The following RNGTT variants were observed in gnomAD, a reference collection of about 807,000 sequenced individuals.
RNGTT encodes mRNA-capping enzyme.
In RNGTT, 33 loss-of-function variants were observed where a neutral mutation model predicts 79.3. That is an observed-to-expected ratio of 0.42 (90% CI 0.32 to 0.56). The LOEUF is 0.56. RNGTT is among the 20% of genes least tolerant of loss of function. RNGTT has a pLI of 0.17. For synonymous variants in RNGTT, 222 were observed against 235.9 expected (o/e 0.94, Z 0.54); for missense variants, 497 against 739.1 (o/e 0.67, Z 3.80).
chr6:88,724,025 G>A (rs150350949), intron 13 of RNGTT, among the ~76,000 whole-genome samples: 26 of 152,224 alleles, frequency 1.7e-4, no homozygotes, highest in Middle Eastern at 6.8e-3. Flanking sequence ...GCGCTCAGCC[G>A]TGTTTGGGTT....
At chr6:88,824,421 T>TTA (rs1490890143) in intron 11 of RNGTT, among the ~76,000 whole-genome samples, 1 of 152,206 alleles carries the variant, frequency 6.6e-6, no homozygotes, top group Non-Finnish European at 1.5e-5. Flanking sequence ...GGGACCACCA[T>TTA]TATATATGCA....
intron 14 of RNGTT, among the ~76,000 whole-genome samples, chr6:88,657,616 G>A (rs1416445764): frequency 6.6e-6 from 1 of 152,166 alleles, no homozygotes; most frequent in African/African-American, 2.4e-5. Context: ...GAAGGGGTGA[G>A]GCCTGAGAGC....
At chr6:88,649,301 G>A (rs1305898732) in intron 14 of RNGTT, among the ~76,000 whole-genome samples, 1 of 152,170 alleles carries the variant, frequency 6.6e-6, no homozygotes, top group Non-Finnish European at 1.5e-5. Context: ...GGTAAAATAA[G>A]GGTATGATGG....
At chr6:88,829,167 C>A (rs1292404842) in intron 11 of RNGTT, among the ~76,000 whole-genome samples, 1 of 152,156 alleles carries the variant, frequency 6.6e-6, no homozygotes, top group African/African-American at 2.4e-5. Flanking sequence ...AAGGGAAGCC[C>A]ATCAGACTAA....
chr6:88,850,969 G>A (rs776221192), intron 9 of RNGTT, among the ~76,000 whole-genome samples: 1 of 151,928 alleles, frequency 6.6e-6, no homozygotes, highest in Non-Finnish European at 1.5e-5. Flanking sequence ...AAACCTGTGG[G>A]CCTTCAAGGC....
intron 1 of RNGTT, among the ~76,000 whole-genome samples, chr6:88,959,676 C>A (rs1785550639): frequency 6.6e-6 from 1 of 152,088 alleles, no homozygotes; most frequent in African/African-American, 2.4e-5. Context: ...CCACTCTTTT[C>A]TCCATCAATT....
At chr6:88,888,637 T>A (rs1782944140) in intron 8 of RNGTT, among the ~76,000 whole-genome samples, 1 of 152,240 alleles carries the variant, frequency 6.6e-6, no homozygotes, top group South Asian at 2.1e-4. Context: ...TTTTTAAGGC[T>A]AGTTCATTAA....
chr6:88,672,696 CCTATT>C (rs1467175667), intron 14 of RNGTT, among the ~76,000 whole-genome samples: 1 of 152,098 alleles, frequency 6.6e-6, no homozygotes, highest in African/African-American at 2.4e-5. Flanking sequence ...TTTCCCAAAA[CCTATT>C]AAAGTAATAA....
chr6:88,664,191 G>C (rs919156108), intron 14 of RNGTT, among the ~76,000 whole-genome samples: 1 of 152,112 alleles, frequency 6.6e-6, no homozygotes, highest in African/African-American at 2.4e-5. Context: ...CTCTTAGAAG[G>C]GTTGAGGAGA....
At chr6:88,894,770 C>T (rs1399100422) in intron 6 of RNGTT, among the ~76,000 whole-genome samples, 1 of 152,158 alleles carries the variant, frequency 6.6e-6, no homozygotes, top group Non-Finnish European at 1.5e-5. Context: ...GGAAAGATCA[C>T]TAATTCTAAA....
At chr6:88,932,981 A>G (rs1440238664) in intron 2 of RNGTT, among the ~76,000 whole-genome samples, 2 of 152,034 alleles carry the variant, frequency 1.3e-5, no homozygotes, top group Non-Finnish European at 2.9e-5. Context: ...CCTGGTATTC[A>G]TCTTTATTTT....
At chr6:88,803,650 C>A (rs1582479834) in intron 11 of RNGTT, among the ~76,000 whole-genome samples, 1 of 135,008 alleles carries the variant, frequency 7.4e-6, no homozygotes, top group Non-Finnish European at 1.6e-5. Context: ...CCAAATACCA[C>A]AATAATCTCT....
chr6:88,796,372 A>C (rs1779603886), intron 12 of RNGTT, among the ~76,000 whole-genome samples: 1 of 152,206 alleles, frequency 6.6e-6, no homozygotes, highest in Non-Finnish European at 1.5e-5. Flanking sequence ...AAACAGGGGT[A>C]GACTGGAAAG....
intron 13 of RNGTT, among the ~76,000 whole-genome samples, chr6:88,718,103 C>T (rs1179286279): frequency 6.6e-6 from 1 of 152,146 alleles, no homozygotes; most frequent in Non-Finnish European, 1.5e-5. Flanking sequence ...CATTTAAGTA[C>T]TGTTTATAGC....
At chr6:88,639,139 T>G (rs1478689198) in intron 14 of RNGTT, among the ~76,000 whole-genome samples, 2 of 152,130 alleles carry the variant, frequency 1.3e-5, no homozygotes, top group Admixed American at 6.5e-5. Flanking sequence ...ATGAATAACT[T>G]TTTTTATTTT....
At chr6:88,804,596 T>C (rs1451728433) in intron 11 of RNGTT, among the ~76,000 whole-genome samples, 2 of 152,346 alleles carry the variant, frequency 1.3e-5, no homozygotes, top group East Asian at 3.9e-4. Context: ...AATAGAGATG[T>C]AATCTAAAAA....
intron 13 of RNGTT, among the ~76,000 whole-genome samples, chr6:88,768,645 G>A (rs1778546759): frequency 6.6e-6 from 1 of 152,112 alleles, no homozygotes; most frequent in African/African-American, 2.4e-5. Flanking sequence ...AGGATGCACT[G>A]GTAAGCTTTA....
At chr6:88,693,028 CA>C (rs1418330846) in intron 13 of RNGTT, among the ~76,000 whole-genome samples, 2 of 151,706 alleles carry the variant, frequency 1.3e-5, no homozygotes, top group African/African-American at 4.8e-5. Context: ...ACACAATAAA[CA>C]CCTAGAGCAA....
chr6:88,894,742 T>C lies in RNGTT; in HGVS notation c.685-2827A>G, dbSNP rs549832649. The stretch of plus-strand genomic sequence containing the variant: ...AAAATATGGCCACTTCAGCATAAAA[T>C]AGTTAAATCTTTATAATGGAAAGAT... On this transcript the variant is annotated intron_variant, in intron 6 of 15. Coordinates refer to ENST00000369485, the MANE Select transcript of RNGTT (RefSeq NM_003800.5). 9.9e-5 allele frequency among the ~76,000 whole-genome samples: 15 copies of C among 152,230 alleles called. No individual in the cohort carries two copies. The East Asian group carries it at 2.5e-3, about 25-fold the overall frequency.
Sources: gnomAD v4.1 joint callset for allele counts (sites outside exome capture counted in the v4.1 genomes callset) on GRCh38, gnomAD v4.1.1 for gene constraint, MANE v1.5 for transcripts, NCBI Gene and HGNC (gene_info 2026-07-23, HGNC 2026-07-21) for gene names.